The following NBN variants were observed in gnomAD, a reference collection of about 807,000 sequenced individuals.
NBN encodes Nijmegen breakage syndrome 1 (nibrin).
NBN carries 88 observed loss-of-function variants against 90.8 expected under a neutral mutation model. The ratio of observed to expected loss-of-function variants is 0.97; its 90% CI spans 0.82 to 1.16. The LOEUF (loss-of-function observed/expected upper bound fraction) is 1.16. NBN is among the 50% of genes most tolerant of loss of function. The probability of loss-of-function intolerance (pLI) is 0.00; values close to 1 mark genes in which losing one functional copy is unlikely to be tolerated. For missense variants in NBN, 894 were observed against 869.6 expected, an observed-to-expected ratio of 1.03 and a Z score of -0.35; for synonymous variants, 328 against 295.1, an observed-to-expected ratio of 1.11 and a Z score of -1.14.
Position 89,955,310 on chromosome 8 carries a change from T to C in NBN, c.1370A>G (p.Asn457Ser), listed in dbSNP as rs876659312. Residue 457 changes from asparagine to serine, a missense_variant, in exon 10 of 16, where the codon AAC (asparagine) becomes AGC (serine). Asn to Ser is a conservative substitution (Grantham distance 46). Coordinates refer to ENST00000265433, the MANE Select transcript of NBN (RefSeq NM_002485.5). ...SQQQQTNSIR[N>S]YFQPSTKKRE... ...TTTTTTGGTAGACGGCTGAAAGTAGTTTCTGATGGAGTTGGTCTGCTGCTG... is the reference window on the plus strand; with the variant it reads ...TTTTTTGGTAGACGGCTGAAAGTAGCTTCTGATGGAGTTGGTCTGCTGCTG... 3.1e-6 allele frequency: 5 copies of C among 1,613,820 alleles called. No homozygotes were observed. Among genetic ancestry groups the C allele is most frequent in the Middle Eastern group, 1.7e-4 (1 of 6,056 alleles).
chr8:89,965,113 C>CA (rs972292800), intron 7 of NBN, among the ~76,000 whole-genome samples: 192 of 130,444 alleles, frequency 1.5e-3, no homozygotes, highest in African/African-American at 3.6e-3. Context: ...GACTCCGTCT[C>CA]AAAAAAAAAA....
intron 14 of NBN, among the ~76,000 whole-genome samples, chr8:89,938,466 ATG>A (rs1020316546): frequency 3.2e-4 from 49 of 151,478 alleles, no homozygotes; most frequent in African/African-American, 1.2e-3. Context: ...CTCTCTCTAT[ATG>A]TGTGTGTGTG....
intron 5 of NBN, among the ~76,000 whole-genome samples, chr8:89,976,653 T>C (rs1811772809): frequency 6.6e-6 from 1 of 152,168 alleles, no homozygotes; most frequent in African/African-American, 2.4e-5. Context: ...TCAGTGTCTG[T>C]GGGTGGCCCA....
chr8:89,979,664 AT>A (rs1186867373), intron 4 of NBN, among the ~76,000 whole-genome samples: 1 of 151,820 alleles, frequency 6.6e-6, no homozygotes, highest in Non-Finnish European at 1.5e-5. Context: ...AAAAAAAAAA[AT>A]ATAACAACAA....
At position 89,971,211 on chromosome 8, in the gene NBN, A is replaced by G. The variant is rs541992192; in HGVS notation, c.664T>C (p.Phe222Leu). 4.2e-5 allele frequency: 68 copies of G among 1,613,124 alleles called. No homozygotes were observed. The highest frequency in any genetic ancestry group is 5.7e-5 in the Non-Finnish European group (67 of 1,179,508). ...LSGRQERKQI[F>L]KGKTFIFLNA... Reference sequence around the variant, plus strand: ...AAAAATATAAATGTTTTCCCTTTGAAGATTTGTTTTCTTTCCTGCCGTCCT... The same window carrying G: ...AAAAATATAAATGTTTTCCCTTTGAGGATTTGTTTTCTTTCCTGCCGTCCT... The change falls in exon 6 of 16, where the codon TTC (phenylalanine) becomes CTC (leucine). Residue 222 changes from phenylalanine (F) to leucine (L), a missense_variant. By Grantham distance (22) the Phe-to-Leu change is conservative (BLOSUM62 0). Transcript: ENST00000265433.
chr8:89,960,823 G>A (rs2293774), intron 8 of NBN, among the ~76,000 whole-genome samples: 50,563 of 151,868 alleles, frequency 0.33, 8,477 homozygotes, highest in East Asian at 0.45. Flanking sequence ...TGTTCAATAA[G>A]TATTTGTTGA....
intron 4 of NBN, among the ~76,000 whole-genome samples, chr8:89,978,546 A>G (rs1043909980): frequency 1.3e-5 from 2 of 152,258 alleles, no homozygotes; most frequent in East Asian, 3.8e-4. Flanking sequence ...TCACTCAATT[A>G]TAAGAAGTCA....
intron 5 of NBN, 132 bp downstream of exon 5, chr8:89,978,088 C>T (rs1302980269): frequency 3.8e-6 from 3 of 785,080 alleles, no homozygotes; most frequent in African/African-American, 1.7e-5. Context: ...AAAAACCTTC[C>T]ATTAATAATA....
Position 89,955,794 on chromosome 8 carries a change from A to G in NBN, c.1125-239T>C, listed in dbSNP as rs137895202. Among the ~76,000 whole-genome samples, 321 of 152,224 alleles carry G rather than the reference A, an allele frequency of 2.1e-3. 2 individuals carry two copies. Among genetic ancestry groups the G allele is most frequent in the African/African-American group, 6.9e-3 (288 of 41,558 alleles). On this transcript the variant is annotated intron_variant, in intron 9 of 15. Coordinates refer to ENST00000265433, the MANE Select transcript of NBN (RefSeq NM_002485.5). Reference sequence around the variant, plus strand: ...CTACAGCACATATTGTTGCTCCACTATAGACGACTGACAAACACACACAGA... The same window carrying G: ...CTACAGCACATATTGTTGCTCCACTGTAGACGACTGACAAACACACACAGA...
At chr8:89,964,385 A>G in intron 8 of NBN, 25 bp downstream of exon 8, 1 of 1,612,670 alleles carries the variant, frequency 6.2e-7, no homozygotes, top group Non-Finnish European at 8.5e-7. Flanking sequence ...TTGCTAACGA[A>G]TCAATAAAAT....
At chr8:89,935,658 G>T in intron 15 of NBN, 46 bp from the exon 16 acceptor site, 1 of 1,597,582 alleles carries the variant, frequency 6.3e-7, no homozygotes, top group Non-Finnish European at 8.6e-7. Flanking sequence ...ATAAGGGATG[G>T]TATTTCTTTT....
rs941680217 is a variant in NBN at position 89,955,160 on chromosome 8, C to A, written c.1397+123G>T. On this transcript the variant is annotated intron_variant, in intron 10 of 15. Transcript: ENST00000265433. Reference sequence around the variant, plus strand: ...GGACATTTCTGAGAGGGAAAGCGGTCAAAAAGCTGCAGCAGCAGAAGCATA... The same window carrying A: ...GGACATTTCTGAGAGGGAAAGCGGTAAAAAAGCTGCAGCAGCAGAAGCATA... 9.5e-5 allele frequency: 92 copies of A among 972,200 alleles called. 3 individuals carry two copies. Among genetic ancestry groups the A allele is most frequent in the Non-Finnish European group, 4.1e-5 (26 of 640,852 alleles). 60.2% of individuals were successfully genotyped at this position (972,200 alleles called of 1,614,324 possible).
intron 2 of NBN, chr8:89,982,036 G>T: frequency 1.1e-6 from 1 of 936,700 alleles, no homozygotes; most frequent in Non-Finnish European, 1.5e-6. Flanking sequence ...AAATAAAACT[G>T]AAGAAATTCA....
At chr8:89,957,609 C>T (rs13312913) in intron 9 of NBN, among the ~76,000 whole-genome samples, 1 of 152,196 alleles carries the variant, frequency 6.6e-6, no homozygotes, top group Non-Finnish European at 1.5e-5. Flanking sequence ...AGAACAGCTT[C>T]CAGTCCTACA....
intron 12 of NBN, 69 bp from the exon 13 acceptor site, chr8:89,946,364 G>A: frequency 7.2e-7 from 1 of 1,388,464 alleles, no homozygotes. Context: ...TTGTCATTTG[G>A]GAATCTATAG....
Position 89,935,392 on chromosome 8 carries a change from G to T in NBN, c.*190C>A. ...AATGAAAAAAAGATGCAATGACAAA[G>T]CCTGAAAACAGAACAAACAATTGTT... is the stretch of plus-strand genomic sequence containing the variant. On this transcript the variant is annotated 3_prime_UTR_variant, in exon 16 of 16. Transcript: ENST00000265433. 1.6e-6 allele frequency: 1 copy of T among 617,736 alleles called. No homozygotes were observed. The allele number at this position is 617,736 out of a possible 1,614,324, so 38.3% of individuals were successfully genotyped here.
intron 5 of NBN, among the ~76,000 whole-genome samples, chr8:89,971,994 G>A (rs564265785): frequency 2.9e-4 from 44 of 152,182 alleles, no homozygotes; most frequent in East Asian, 1.9e-4. Flanking sequence ...ATAACTGACC[G>A]GCATTTCGAC....
intron 11 of NBN, 105 bp downstream of exon 11, chr8:89,953,139 G>A (rs1175423956): frequency 2.4e-6 from 2 of 842,426 alleles, no homozygotes; most frequent in South Asian, 1.4e-5. Flanking sequence ...AGTACTGAGT[G>A]TTAAAGACAT....
chr8:89,970,998 C>T (rs541103198), intron 6 of NBN, among the ~76,000 whole-genome samples, 175 bp downstream of exon 6: 6 of 152,236 alleles, frequency 3.9e-5, no homozygotes, highest in South Asian at 2.1e-4. Context: ...TAAGAAACCC[C>T]GTAATCACAG....
Sources: allele counts gnomAD v4.1 joint callset (sites outside exome capture counted in the v4.1 genomes callset), GRCh38; gene constraint gnomAD v4.1.1; transcripts MANE v1.5; gene names NCBI Gene and HGNC (gene_info 2026-07-23, HGNC 2026-07-21).